ASRGL1: variants seen among roughly 807,000 people sequenced by gnomAD.
ASRGL1 encodes the protein isoaspartyl peptidase/L-asparaginase.
ASRGL1 carries 16 observed loss-of-function variants against 22.4 expected under a neutral mutation model. That is an observed-to-expected ratio of 0.71 (90% CI 0.48 to 1.08). The LOEUF is 1.08. ASRGL1 is among the 50% of genes least tolerant of loss of function. The pLI is 0.00. For missense variants in ASRGL1, 412 were observed against 410.1 expected (o/e 1.00, Z -0.04); for synonymous variants, 165 against 159.3 (o/e 1.04, Z -0.27).
At chr11:62,367,337 C>CAAA (rs746980862) in intron 4 of ASRGL1, among the ~76,000 whole-genome samples, 2 of 125,356 alleles carry the variant, frequency 1.6e-5, no homozygotes, top group African/African-American at 3.0e-5. Flanking sequence ...AACTCTGTCT[C>CAAA]AAAAAAAAAA....
At chr11:62,370,725 G>C (rs149099619) in intron 4 of ASRGL1, among the ~76,000 whole-genome samples, 95 of 152,260 alleles carry the variant, frequency 6.2e-4, no homozygotes, top group African/African-American at 2.2e-3. Flanking sequence ...TAATAGTTCT[G>C]AATTCATCAT....
chr11:62,369,034 T>C lies in ASRGL1; in HGVS notation c.491+11890T>C, dbSNP rs112771304. ...CTAATCCTCCTCAGCACAGACCCTT[T>C]ACGGGTGTCAGGCTGGGGGACGGTC... On this transcript the variant is annotated intron_variant, in intron 4 of 6. Coordinates refer to ENST00000415229, the MANE Select transcript of ASRGL1 (RefSeq NM_001083926.2). Among the ~76,000 whole-genome samples, 1,483 of 152,236 alleles carry C rather than the reference T, an allele frequency of 9.7e-3. 32 individuals carry two copies. Among genetic ancestry groups the C allele is most frequent in the African/African-American group, 0.031 (1,292 of 41,522 alleles).
intron 4 of ASRGL1, among the ~76,000 whole-genome samples, chr11:62,379,743 TGTG>T (rs987140276): frequency 3.3e-5 from 5 of 152,114 alleles, no homozygotes; most frequent in Non-Finnish European, 7.4e-5. Context: ...ATTGTTGTAT[TGTG>T]GTAACTGGCT....
chr11:62,391,594 TG>T lies in ASRGL1; in HGVS notation c.684del (p.Asn229ThrfsTer10). The T allele has an allele frequency of 6.2e-7, 1 of 1,612,188 alleles. No homozygotes were observed. The highest frequency in any genetic ancestry group is 1.3e-5 in the African/African-American group (1 of 74,992). ...TTGHGESILK[V>X]NLARLTLFHI... ...GGGCATGGGGAAAGCATCCTGAAGG[TG>T]AACCTGGCTAGACTCACCCTGTTCC... is the stretch of plus-strand genomic sequence containing the variant. On this transcript the variant is annotated frameshift_variant, in exon 6 of 7. Coordinates refer to ENST00000415229, the MANE Select transcript of ASRGL1 (RefSeq NM_001083926.2). LOFTEE classifies it low-confidence loss of function (END_TRUNC).
downstream of ASRGL1, among the ~76,000 whole-genome samples, chr11:62,397,115 C>T (rs1185155323): frequency 1.3e-5 from 2 of 152,126 alleles, no homozygotes; most frequent in African/African-American, 4.8e-5. Flanking sequence ...CTGCAACCTC[C>T]GTCTCCTGGG....
In ASRGL1 at chr11:62,362,661, A is replaced by T. The variant is rs1315435529; in HGVS notation, c.491+5517A>T. ...TATAATATATAATATATATTATATA[A>T]AATATATAATATATATTATATAAAA... is the stretch of plus-strand genomic sequence containing the variant. On this transcript the variant is annotated intron_variant, in intron 4 of 6. Transcript: ENST00000415229. 4.3e-4 allele frequency among the ~76,000 whole-genome samples: 37 copies of T among 85,372 alleles called. 3 individuals carry two copies. The highest frequency in any genetic ancestry group is 1.2e-3 in the African/African-American group (24 of 20,266). The allele number at this position is 85,372 out of a possible 152,430, so 56.0% of individuals were successfully genotyped here.
At chr11:62,390,528 G>C (rs144607640) in intron 5 of ASRGL1, among the ~76,000 whole-genome samples, 60 of 152,320 alleles carry the variant, frequency 3.9e-4, no homozygotes, top group Middle Eastern at 3.4e-3. Flanking sequence ...TGTGGTCCTA[G>C]AGTAACTGAA....
At chr11:62,378,944 A>C (rs1946997059) in intron 4 of ASRGL1, among the ~76,000 whole-genome samples, 1 of 152,022 alleles carries the variant, frequency 6.6e-6, no homozygotes, top group Non-Finnish European at 1.5e-5. Context: ...GTGGAACTTT[A>C]ATGCCATTTT....
chr11:62,355,105 A>G (rs1590716552), intron 2 of ASRGL1, among the ~76,000 whole-genome samples: 1 of 150,892 alleles, frequency 6.6e-6, no homozygotes, highest in Non-Finnish European at 1.5e-5. Context: ...TTTAGTAGAG[A>G]CAGGGTTTCA....
chr11:62,356,261 C>G lies in ASRGL1; in HGVS notation c.191-64C>G, dbSNP rs1011404448. 8 of 1,580,038 alleles carry G rather than the reference C, an allele frequency of 5.1e-6. No individual in the cohort carries two copies. The African/African-American group carries it at 5.4e-5, about 11-fold the overall frequency. On this transcript the variant is annotated intron_variant, in intron 2 of 6. Transcript: ENST00000415229. ...TGGCCGGGCGGGGGGCTGACCCCCC[C>G]ACCTCCCTCCCGGACGGGGCGTAAA...
rs1393599376 is a variant in ASRGL1 at position 62,338,118 on chromosome 11, C to T, written c.141C>T (p.Ala47=). ...ILREGGSAVD[A]VEGAVVALED... ...GGGAGGGCGGGAGCGCCGTGGATGC[C>T]GTAGAGGGAGCTGTCGTCGCCCTGG... The change falls in exon 2 of 7, where the codon GCC becomes GCT. Residue 47 remains alanine (A), a synonymous_variant. Coordinates refer to ENST00000415229, the MANE Select transcript of ASRGL1 (RefSeq NM_001083926.2). 2 of 1,604,336 alleles carry T rather than the reference C, an allele frequency of 1.2e-6. No homozygotes were observed. The highest frequency in any genetic ancestry group is 1.7e-6 in the Non-Finnish European group (2 of 1,175,882).
downstream of ASRGL1, among the ~76,000 whole-genome samples, chr11:62,396,269 T>G (rs1947432018): frequency 1.4e-5 from 2 of 142,402 alleles, no homozygotes; most frequent in Admixed American, 7.1e-5. Context: ...TTGGGGGAGG[T>G]GGTGGGGGTG....
rs535536553 is a variant in ASRGL1, at chr11:62,340,151, C to T, written c.190+1984C>T. On this transcript the variant is annotated intron_variant, in intron 2 of 6. Transcript: ENST00000415229. ...GAGCGTGGTGGCACAAGCCTGTAGC[C>T]GCCGCTACTCAGGAAGCTGAGGTAG... Among the ~76,000 whole-genome samples, 47 of 152,092 alleles carry T rather than the reference C, an allele frequency of 3.1e-4. No individual in the cohort carries two copies. In the South Asian group the frequency reaches 4.4e-3, roughly 14 times the overall value.
At chr11:62,391,893 T>G in intron 6 of ASRGL1, 186 bp from the exon 7 acceptor site, 1 of 762,036 alleles carries the variant, frequency 1.3e-6, no homozygotes, top group South Asian at 1.8e-5. Context: ...GGAAGACCCC[T>G]CTGCTCAGGC....
chr11:62,396,315 T>TA (rs1947432583), downstream of ASRGL1, among the ~76,000 whole-genome samples: 1 of 151,926 alleles, frequency 6.6e-6, no homozygotes. Context: ...TAAATGCCAT[T>TA]AAACAAAACC....
At chr11:62,371,236 A>T (rs939210343) in intron 4 of ASRGL1, 1 of 1,270,752 alleles carries the variant, frequency 7.9e-7, no homozygotes, top group Non-Finnish European at 1.0e-6. Context: ...CCGCAGCCGG[A>T]AGCGCGAGCC....
intron 4 of ASRGL1, 139 bp downstream of exon 4, chr11:62,357,283 T>C: frequency 1.2e-6 from 1 of 809,388 alleles, no homozygotes; most frequent in South Asian, 2.0e-5. Context: ...GGAGTCTCTC[T>C]CTGTTGCCCA....
intron 4 of ASRGL1, chr11:62,382,623 C>T (rs1947099225): frequency 6.6e-6 from 1 of 151,918 alleles, no homozygotes; most frequent in Admixed American, 6.6e-5. Flanking sequence ...AGGCCTTCCT[C>T]TTTTACTAAT....
chr11:62,354,362 C>T lies in ASRGL1; in HGVS notation c.191-1963C>T, dbSNP rs1272119014. 2.6e-5 allele frequency among the ~76,000 whole-genome samples: 4 copies of T among 152,176 alleles called. No homozygotes were observed. In the East Asian group the frequency reaches 5.8e-4, roughly 22 times the overall value. ...CAAACCCCCAGTGAGTGCCTGAAACCACCAATGGTACTCAACCTTATATCG... is the reference window on the plus strand; with the variant it reads ...CAAACCCCCAGTGAGTGCCTGAAACTACCAATGGTACTCAACCTTATATCG... On this transcript the variant is annotated intron_variant, in intron 2 of 6. Coordinates refer to ENST00000415229, the MANE Select transcript of ASRGL1 (RefSeq NM_001083926.2).
Sources: allele counts gnomAD v4.1 joint callset (sites outside exome capture counted in the v4.1 genomes callset), GRCh38; gene constraint gnomAD v4.1.1; transcripts MANE v1.5; gene names NCBI Gene and HGNC (gene_info 2026-07-23, HGNC 2026-07-21).